The following CLIP2 variants were observed in gnomAD, a reference collection of about 807,000 sequenced individuals.
CLIP2 encodes the protein CAP-Gly domain containing linker protein 2.
A neutral mutation model predicts 111.7 loss-of-function variants in CLIP2; 41 were observed. That is an observed-to-expected ratio of 0.37 (90% confidence interval 0.29 to 0.48). CLIP2 has a LOEUF of 0.48. Ranked by LOEUF, CLIP2 falls within the 20% of genes least tolerant of loss-of-function variation. The pLI is 0.99. For missense variants in CLIP2, 1,160 were observed against 1,422.1 expected (o/e 0.82, Z 2.96); for synonymous variants, 660 against 644.2 (o/e 1.02, Z -0.37).
At chr7:74,335,746 CTTTT>C (rs1227063941) in intron 2 of CLIP2, among the ~76,000 whole-genome samples, 1 of 120,674 alleles carries the variant, frequency 8.3e-6, no homozygotes, top group African/African-American at 3.0e-5. Flanking sequence ...TTCTTTCTTT[CTTTT>C]CTTTTTTTTT....
intron 1 of CLIP2, among the ~76,000 whole-genome samples, chr7:74,292,137 G>A (rs1788041653): frequency 6.6e-6 from 1 of 152,008 alleles, no homozygotes; most frequent in Admixed American, 6.6e-5. Flanking sequence ...GGCCAGGCTG[G>A]TTTTGAACTC....
rs1212509711 is a variant in CLIP2 at position 74,289,563 on chromosome 7, C to T, written c.-239C>T. 5.3e-5 allele frequency: 8 copies of T among 151,748 alleles called. No individual in the cohort carries two copies. Among genetic ancestry groups the T allele is most frequent in the Non-Finnish European group, 1.0e-4 (7 of 67,876 alleles). 9.4% of individuals were successfully genotyped at this position (151,748 alleles called of 1,614,324 possible). ...CAGAGACGTGGCGCGAGGCCCGGGC[C>T]CTGAGCACCTATCGCGGGGATCCCC... On this transcript the variant is annotated 5_prime_UTR_variant, in exon 1 of 17. Coordinates refer to ENST00000223398, the MANE Select transcript of CLIP2 (RefSeq NM_003388.5).
chr7:74,300,524 C>T (rs1363266024), intron 1 of CLIP2, among the ~76,000 whole-genome samples: 1 of 150,942 alleles, frequency 6.6e-6, no homozygotes, highest in African/African-American at 2.4e-5. Context: ...GGTGCCATCT[C>T]GGCTCATTGC....
chr7:74,301,116 T>C (rs1180452870), intron 1 of CLIP2, among the ~76,000 whole-genome samples: 4 of 152,232 alleles, frequency 2.6e-5, no homozygotes, highest in Non-Finnish European at 5.9e-5. Context: ...TTTTGAATAA[T>C]AGCCAGTCTT....
chr7:74,357,763 CT>C (rs879962901), intron 6 of CLIP2, among the ~76,000 whole-genome samples: 331 of 143,684 alleles, frequency 2.3e-3, no homozygotes, highest in Middle Eastern at 7.4e-3. Flanking sequence ...TTCTTTCTTT[CT>C]TTTTTTTTTT....
Position 74,367,381 on chromosome 7 carries a change from G to A in CLIP2, c.1380+3066G>A, listed in dbSNP as rs190871562. On this transcript the variant is annotated intron_variant, in intron 8 of 16. Transcript: ENST00000223398. ...AATTTTTTGTATTTTTAGTAGAGAC[G>A]AGGTTTCACCGTGTTAGCCAGGATG... Among the ~76,000 whole-genome samples the A allele has an allele frequency of 4.9e-4, 75 of 152,132 alleles. No homozygotes were observed. In the East Asian group the frequency reaches 0.014, roughly 29 times the overall value.
At chr7:74,300,457 CTTT>C (rs34522776) in intron 1 of CLIP2, among the ~76,000 whole-genome samples, 13 of 130,388 alleles carry the variant, frequency 1.0e-4, no homozygotes, top group Admixed American at 2.3e-4. Context: ...TGATTTCATT[CTTT>C]TTTTTTTTTT....
intron 8 of CLIP2, 28 bp from the exon 9 acceptor site, chr7:74,372,904 C>A: frequency 2.6e-6 from 3 of 1,159,396 alleles, no homozygotes; most frequent in Non-Finnish European, 3.7e-6. Context: ...CCCCCACCCC[C>A]CCACCGTGTC....
At chr7:74,390,420 A>G (rs1791264522) in intron 13 of CLIP2, among the ~76,000 whole-genome samples, 1 of 152,166 alleles carries the variant, frequency 6.6e-6, no homozygotes, top group African/African-American at 2.4e-5. Flanking sequence ...TTGTAATCCC[A>G]GCACTTTAGA....
At chr7:74,336,465 G>A (rs1029181749) in intron 2 of CLIP2, among the ~76,000 whole-genome samples, 3 of 152,064 alleles carry the variant, frequency 2.0e-5, no homozygotes, top group South Asian at 2.1e-4. Flanking sequence ...CAAAAGGCAC[G>A]TCTTACATGG....
At chr7:74,352,716 T>G (rs1790042560) in intron 3 of CLIP2, among the ~76,000 whole-genome samples, 1 of 80,936 alleles carries the variant, frequency 1.2e-5, no homozygotes, top group African/African-American at 3.6e-5. Context: ...AAAAAAAATT[T>G]TTAGATATGG....
chr7:74,361,633 T>C (rs1790334185), intron 7 of CLIP2, among the ~76,000 whole-genome samples: 1 of 152,140 alleles, frequency 6.6e-6, no homozygotes, highest in African/African-American at 2.4e-5. Flanking sequence ...TCCTCCCACC[T>C]CAGCCTTCCA....
At chr7:74,299,691 CCTT>C (rs1158479470) in intron 1 of CLIP2, among the ~76,000 whole-genome samples, 45 of 151,434 alleles carry the variant, frequency 3.0e-4, no homozygotes, top group African/African-American at 9.0e-4. Flanking sequence ...GACTCGAGGC[CCTT>C]CTTCTTCTTC....
chr7:74,349,477 T>C lies in CLIP2; in HGVS notation c.679-4403T>C, dbSNP rs1469005385. 3.9e-5 allele frequency among the ~76,000 whole-genome samples: 4 copies of C among 102,298 alleles called. 1 individual carries two copies. The highest frequency in any genetic ancestry group is 9.9e-5 in the Admixed American group (1 of 10,122). 67.1% of individuals were successfully genotyped at this position (102,298 alleles called of 152,430 possible). On this transcript the variant is annotated intron_variant, in intron 3 of 16. Coordinates refer to ENST00000223398, the MANE Select transcript of CLIP2 (RefSeq NM_003388.5). ...GTATGTGTGTGTGTGTGTGTATATATATATATATATATATATATATATATA... is the reference window on the plus strand; with the variant it reads ...GTATGTGTGTGTGTGTGTGTATATACATATATATATATATATATATATATA...
Position 74,338,318 on chromosome 7 carries a change from A to T in CLIP2, c.122-130A>T. 3 of 1,017,414 alleles carry T rather than the reference A, an allele frequency of 2.9e-6. No homozygotes were observed. Among genetic ancestry groups the T allele is most frequent in the Non-Finnish European group, 4.2e-6 (3 of 715,712 alleles). The allele number at this position is 1,017,414 out of a possible 1,614,324, so 63.0% of individuals were successfully genotyped here. A position where few individuals can be genotyped will look rare whatever the true frequency, so the allele number is the denominator to read the frequency against. On this transcript the variant is annotated intron_variant, in intron 2 of 16. Transcript: ENST00000223398. This position sits in a 1 kb window ranked among gnomAD's most constrained non-coding sequence, Gnocchi z 4.3. ...GGAGTTCGAGACCAGCCTGGCCGAG[A>T]TGGTGAAACCCCATCTCTACCCAAA... is the stretch of plus-strand genomic sequence containing the variant.
intron 13 of CLIP2, among the ~76,000 whole-genome samples, chr7:74,392,096 A>G (rs782757655): frequency 6.6e-5 from 10 of 152,066 alleles, no homozygotes; most frequent in Non-Finnish European, 1.0e-4. Context: ...TCACGCCTGT[A>G]ATCCCAGCAC....
intron 2 of CLIP2, among the ~76,000 whole-genome samples, chr7:74,332,716 G>A (rs536975646): frequency 4.6e-5 from 7 of 152,238 alleles, no homozygotes; most frequent in South Asian, 2.1e-4. Flanking sequence ...CACATCATTC[G>A]AGGTGGAGCC....
At chr7:74,345,692 C>T (rs1584345832) in intron 3 of CLIP2, among the ~76,000 whole-genome samples, 1 of 151,352 alleles carries the variant, frequency 6.6e-6, no homozygotes, top group South Asian at 2.1e-4. Flanking sequence ...GCTAAAGGTA[C>T]AAAAATTAGC....
intron 1 of CLIP2, among the ~76,000 whole-genome samples, chr7:74,290,335 T>C (rs28457149): frequency 0.23 from 35,703 of 152,214 alleles, 5,587 homozygotes; most frequent in African/African-American, 0.45. Context: ...GGGCGGCTTC[T>C]CTCAGGGGGT....
Sources: allele counts gnomAD v4.1 joint callset (sites outside exome capture counted in the v4.1 genomes callset), GRCh38; gene constraint gnomAD v4.1.1; non-coding constraint Gnocchi (gnomAD v3.1); transcripts MANE v1.5; gene names NCBI Gene and HGNC (gene_info 2026-07-23, HGNC 2026-07-21).